PAN3: variants seen among roughly 807,000 people sequenced by gnomAD.
PAN3 encodes the protein poly(A) specific ribonuclease subunit PAN3, also known as PAN2-PAN3 deadenylation complex subunit PAN3.
In PAN3, 19 loss-of-function variants were observed where a neutral mutation model predicts 96.2. The ratio of observed to expected loss-of-function variants is 0.20; its 90% CI spans 0.14 to 0.29. PAN3 has a LOEUF of 0.29. PAN3 is among the 10% of genes least tolerant of loss of function. The probability of loss-of-function intolerance (pLI) is 1.00; values close to 1 mark genes in which losing one functional copy is unlikely to be tolerated. For synonymous variants in PAN3, 433 were observed against 406.6 expected, an observed-to-expected ratio of 1.06 and a Z score of -0.78; for missense variants, 882 against 1,108.1, an observed-to-expected ratio of 0.80 and a Z score of 2.90.
In PAN3 at chr13:28,294,377, GT is replaced by G. The variant is rs1389203753; in HGVS notation, c.*1861del. On this transcript the variant is annotated 3_prime_UTR_variant, in exon 19 of 19. Transcript: ENST00000380958. ...AGGAAGAGCAGCTGTCTTTTTATAT[GT>G]TTTTTGACAAATCATATTGTATTCT... 1 of 152,484 alleles carries G rather than the reference GT, an allele frequency of 6.6e-6. No individual in the cohort carries two copies. The highest frequency in any genetic ancestry group is 2.4e-5 in the African/African-American group (1 of 41,406). The allele number at this position is 152,484 out of a possible 1,614,324, so 9.4% of individuals were successfully genotyped here. A position where few individuals can be genotyped will look rare whatever the true frequency, so the allele number is the denominator to read the frequency against.
intron 5 of PAN3, among the ~76,000 whole-genome samples, chr13:28,216,996 C>G (rs1421866005): frequency 6.6e-6 from 1 of 151,940 alleles, no homozygotes; most frequent in East Asian, 1.9e-4. Flanking sequence ...CGCCTGTAAT[C>G]CCAGCTACTC....
At chr13:28,266,680 G>A in intron 9 of PAN3, 35 bp from the exon 10 acceptor site, 2 of 1,464,566 alleles carry the variant, frequency 1.4e-6, no homozygotes, top group Admixed American at 2.3e-5. Flanking sequence ...ATGAATGCCT[G>A]TATTTTCAAG....
chr13:28,278,861 T>TAGTTTATTC (rs1393849569), intron 15 of PAN3, among the ~76,000 whole-genome samples: 1 of 152,054 alleles, frequency 6.6e-6, no homozygotes, highest in Non-Finnish European at 1.5e-5. Context: ...TGCTAAGATA[T>TAGTTTATTC]AGTTTATTCA....
intron 7 of PAN3, among the ~76,000 whole-genome samples, chr13:28,257,697 T>C (rs1482217691): frequency 7.2e-6 from 1 of 139,756 alleles, no homozygotes; most frequent in South Asian, 2.1e-4. Context: ...TATAAATATA[T>C]ATTATATATA....
intron 18 of PAN3, 30 bp from the exon 19 acceptor site, chr13:28,292,352 A>T: frequency 6.6e-7 from 1 of 1,521,124 alleles, no homozygotes; most frequent in South Asian, 1.4e-5. Flanking sequence ...CATGTTATGA[A>T]TTTCATATTT....
intron 5 of PAN3, chr13:28,215,744 T>C: frequency 6.7e-7 from 1 of 1,496,208 alleles, no homozygotes. Flanking sequence ...CCATGTGTGC[T>C]GAGAGCTTCT....
chr13:28,239,162 A>ACCACAC (rs145212573), intron 6 of PAN3, among the ~76,000 whole-genome samples: 2 of 76,792 alleles, frequency 2.6e-5, no homozygotes, highest in African/African-American at 5.1e-5. Flanking sequence ...CACCCCCGCC[A>ACCACAC]ACACACACAC....
intron 1 of PAN3, among the ~76,000 whole-genome samples, chr13:28,152,020 G>C (rs1435640322): frequency 6.6e-6 from 1 of 151,992 alleles, no homozygotes; most frequent in East Asian, 1.9e-4. Context: ...TAAGAACTTG[G>C]GAAACACAAA....
chr13:28,170,790 TTA>T (rs1407612646), intron 1 of PAN3, among the ~76,000 whole-genome samples: 7 of 152,066 alleles, frequency 4.6e-5, no homozygotes, highest in Admixed American at 1.3e-4. Context: ...ACGAATGTCT[TTA>T]TTTATTTTTT....
intron 5 of PAN3, among the ~76,000 whole-genome samples, chr13:28,202,155 C>A (rs1593463495): frequency 1.3e-5 from 2 of 151,962 alleles, no homozygotes; most frequent in Non-Finnish European, 2.9e-5. Context: ...ATATATTGGA[C>A]AGTGTACATT....
At chr13:28,169,218 T>C (rs1873974181) in intron 1 of PAN3, among the ~76,000 whole-genome samples, 1 of 144,948 alleles carries the variant, frequency 6.9e-6, no homozygotes, top group African/African-American at 2.6e-5. Flanking sequence ...TTTTTTTTTG[T>C]TTGCTTTTTT....
intron 7 of PAN3, among the ~76,000 whole-genome samples, chr13:28,257,892 A>G (rs1885349596): frequency 1.3e-5 from 2 of 150,850 alleles, no homozygotes; most frequent in Non-Finnish European, 2.9e-5. Context: ...TGTTCACTGC[A>G]GCCTCCGCCT....
chr13:28,261,818 G>A (rs969449598), intron 9 of PAN3, among the ~76,000 whole-genome samples: 1 of 120,942 alleles, frequency 8.3e-6, no homozygotes, highest in Non-Finnish European at 1.7e-5. Context: ...GGGTGACAGA[G>A]TGAGACCCTG....
At chr13:28,256,571 C>A in intron 7 of PAN3, 32 bp downstream of exon 7, 1 of 1,587,430 alleles carries the variant, frequency 6.3e-7, no homozygotes, top group Non-Finnish European at 8.6e-7. Context: ...AATTTTAGTA[C>A]TCTCTTGTAA....
rs766425293 is a variant in PAN3 at position 28,280,554 on chromosome 13, A to AATT, written c.2319+14_2319+16dup. Reference sequence around the variant, plus strand: ...AGACCTTGCAAAGGTAAAGAGTGTAAATTTTTTTTTTTTTTTTTTTTTTTT... The same window carrying AATT: ...AGACCTTGCAAAGGTAAAGAGTGTAAATTATTTTTTTTTTTTTTTTTTTTTTTT... On this transcript the variant is annotated intron_variant, in intron 16 of 18. Coordinates refer to ENST00000380958, the MANE Select transcript of PAN3 (RefSeq NM_175854.8). 7.0e-7 allele frequency: 1 copy of AATT among 1,427,600 alleles called. No homozygotes were observed. The highest frequency in any genetic ancestry group is 1.4e-5 in the South Asian group (1 of 72,788). 88.4% of individuals were successfully genotyped at this position (1,427,600 alleles called of 1,614,324 possible).
At position 28,202,320 on chromosome 13, in the gene PAN3, T is replaced by A. The variant is rs2762212; in HGVS notation, c.852+4974T>A. Among the ~76,000 whole-genome samples the A allele has an allele frequency of 2.4e-3, 358 of 152,338 alleles. 1 individual carries two copies. The highest frequency in any genetic ancestry group is 8.2e-3 in the African/African-American group (341 of 41,574). ...TATCTGTCTCTAATTCTTACTTTTTTAAAGTCTACAGTATCTTACCCCTCT... is the reference window on the plus strand; with the variant it reads ...TATCTGTCTCTAATTCTTACTTTTTAAAAGTCTACAGTATCTTACCCCTCT... On this transcript the variant is annotated intron_variant, in intron 5 of 18. Coordinates refer to ENST00000380958, the MANE Select transcript of PAN3 (RefSeq NM_175854.8).
intron 6 of PAN3, among the ~76,000 whole-genome samples, chr13:28,223,645 C>G (rs1041137603): frequency 1.6e-4 from 24 of 151,396 alleles, no homozygotes; most frequent in African/African-American, 5.8e-4. Flanking sequence ...CTCACTGCAA[C>G]CTCCACCTCC....
chr13:28,177,815 G>A, intron 3 of PAN3, 50 bp from the exon 4 acceptor site: 1 of 1,448,424 alleles, frequency 6.9e-7, no homozygotes, highest in Non-Finnish European at 9.7e-7. Context: ...TATTAGATTT[G>A]CGGGTTACCC....
At chr13:28,233,877 T>A (rs1010007022) in intron 6 of PAN3, among the ~76,000 whole-genome samples, 19 of 152,220 alleles carry the variant, frequency 1.2e-4, no homozygotes, top group African/African-American at 4.3e-4. Context: ...TTTTATTGCA[T>A]TAACATTGAT....
Sources: gnomAD v4.1 joint callset for allele counts (sites outside exome capture counted in the v4.1 genomes callset) on GRCh38, gnomAD v4.1.1 for gene constraint, MANE v1.5 for transcripts, NCBI Gene and HGNC (gene_info 2026-07-23, HGNC 2026-07-21) for gene names.